The following RBFOX1 variants were observed in gnomAD, a reference collection of about 807,000 sequenced individuals.
RBFOX1 encodes the protein RNA binding protein fox-1 homolog 1.
RBFOX1 carries 8 observed loss-of-function variants against 57.7 expected under a neutral mutation model. The observed-to-expected ratio is 0.14, with a 90% CI of 0.08 to 0.25. The LOEUF is 0.25. Among genes scored for constraint, RBFOX1 ranks in the 10% least tolerant of loss-of-function variants. RBFOX1 has a pLI of 1.00. For missense variants in RBFOX1, 611 were observed against 548.5 expected, an observed-to-expected ratio of 1.11 and a Z score of -1.14; for synonymous variants, 326 against 222.4, an observed-to-expected ratio of 1.47 and a Z score of -4.15.
At chr16:7,681,836 C>T (rs1002521222) in intron 14 of RBFOX1, among the ~76,000 whole-genome samples, 1 of 152,112 alleles carries the variant, frequency 6.6e-6, no homozygotes, top group Admixed American at 6.6e-5. Flanking sequence ...CCCCAGTCCT[C>T]TTATCTGAAC....
At chr16:7,231,338 G>A (rs940891358) in intron 4 of RBFOX1, among the ~76,000 whole-genome samples, 8 of 152,108 alleles carry the variant, frequency 5.3e-5, no homozygotes, top group Admixed American at 2.0e-4. Flanking sequence ...GACTACTATC[G>A]TTCACGTGAC....
intron 14 of RBFOX1, among the ~76,000 whole-genome samples, chr16:7,699,835 A>C (rs898401293): frequency 6.6e-6 from 1 of 152,124 alleles, no homozygotes; most frequent in East Asian, 1.9e-4. Flanking sequence ...TTTTAGAACC[A>C]CATTTTTCAT....
In RBFOX1 at chr16:6,044,488, TAA is replaced by T. The variant is rs35188189; in HGVS notation, c.-127+24512_-127+24513del. On this transcript the variant is annotated intron_variant, in intron 1 of 15. Transcript: ENST00000550418. Reference sequence around the variant, plus strand: ...TTGTCTTAGAAGACCTGTTTTAGGTTAAAAAAAAAAAAAAAAATTCAAACAAT... The same window carrying T: ...TTGTCTTAGAAGACCTGTTTTAGGTTAAAAAAAAAAAAAAATTCAAACAAT... Among the ~76,000 whole-genome samples, 294 of 143,064 alleles carry T rather than the reference TAA, an allele frequency of 2.1e-3. 1 individual carries two copies. The highest frequency in any genetic ancestry group is 0.011 in the Middle Eastern group (3 of 276). The allele number at this position is 143,064 out of a possible 152,430, so 93.9% of individuals were successfully genotyped here.
At chr16:7,271,356 G>A (rs1054231914) in intron 4 of RBFOX1, among the ~76,000 whole-genome samples, 1 of 151,326 alleles carries the variant, frequency 6.6e-6, no homozygotes, top group Non-Finnish European at 1.5e-5. Context: ...TTCTTGGGGG[G>A]AGCTCGTATC....
chr16:6,269,648 G>A (rs1032827345), intron 1 of RBFOX1, among the ~76,000 whole-genome samples: 29 of 152,174 alleles, frequency 1.9e-4, no homozygotes, highest in African/African-American at 5.8e-4. Context: ...AATCTCCTTC[G>A]GAGATGAAGG....
chr16:7,261,803 G>A (rs972397483), intron 4 of RBFOX1, among the ~76,000 whole-genome samples: 4 of 152,178 alleles, frequency 2.6e-5, no homozygotes, highest in Non-Finnish European at 4.4e-5. Flanking sequence ...CCCCTGGAGA[G>A]CTTTGAAAGC....
intron 4 of RBFOX1, among the ~76,000 whole-genome samples, chr16:7,071,210 C>G (rs1598683086): frequency 1.3e-5 from 2 of 152,080 alleles, no homozygotes; most frequent in East Asian, 1.9e-4. Context: ...TTAGATTATT[C>G]TAAAAGCTTT....
chr16:7,314,344 G>C (rs2096389866), intron 4 of RBFOX1, among the ~76,000 whole-genome samples: 1 of 152,136 alleles, frequency 6.6e-6, no homozygotes, highest in East Asian at 1.9e-4. Context: ...GAATTTCAGG[G>C]AGTGGGGTCC....
chr16:6,800,720 C>T (rs1326113604), intron 3 of RBFOX1, among the ~76,000 whole-genome samples: 2 of 152,098 alleles, frequency 1.3e-5, no homozygotes, highest in African/African-American at 2.4e-5. Context: ...CCTAAAAAGA[C>T]TCCTTTTATC....
At chr16:7,191,076 CATTA>C (rs1405589607) in intron 4 of RBFOX1, among the ~76,000 whole-genome samples, 1 of 152,074 alleles carries the variant, frequency 6.6e-6, no homozygotes, top group Non-Finnish European at 1.5e-5. Context: ...AGTGTGATAT[CATTA>C]GAACATAATG....
In RBFOX1 at chr16:6,899,540, C is replaced by T. The variant is rs977781368; in HGVS notation, c.-15-152517C>T. On this transcript the variant is annotated intron_variant, in intron 3 of 15. Coordinates refer to ENST00000550418, the MANE Select transcript of RBFOX1 (RefSeq NM_018723.4). ...AGGAATGAGTTTATATTTAGAGACA[C>T]CTGGATGTAGATTACAACTCCATCT... is the stretch of plus-strand genomic sequence containing the variant. 1.3e-4 allele frequency among the ~76,000 whole-genome samples: 20 copies of T among 152,276 alleles called. 1 individual carries two copies. The South Asian group carries it at 1.5e-3, about 11-fold the overall frequency.
chr16:6,706,388 T>A (rs905224323), intron 3 of RBFOX1, among the ~76,000 whole-genome samples: 1 of 152,188 alleles, frequency 6.6e-6, no homozygotes, highest in Non-Finnish European at 1.5e-5. Flanking sequence ...TTAATAGGTG[T>A]CTCTTGGGGA....
At chr16:6,607,258 T>C (rs1285051704) in intron 2 of RBFOX1, among the ~76,000 whole-genome samples, 3 of 152,182 alleles carry the variant, frequency 2.0e-5, no homozygotes, top group Non-Finnish European at 2.9e-5. Context: ...GAACAATTCA[T>C]TGTGGTTATT....
intron 4 of RBFOX1, among the ~76,000 whole-genome samples, chr16:7,113,772 T>G (rs952725990): frequency 1.3e-5 from 2 of 152,164 alleles, no homozygotes; most frequent in African/African-American, 4.8e-5. Context: ...TTTGTATATT[T>G]GCTCCCTTAT....
At chr16:6,999,378 G>T (rs1339123839) in intron 3 of RBFOX1, among the ~76,000 whole-genome samples, 1 of 151,314 alleles carries the variant, frequency 6.6e-6, no homozygotes, top group Non-Finnish European at 1.5e-5. Context: ...TTTTACTCCA[G>T]ATTCATTGGT....
chr16:7,559,968 T>G (rs1050706524), intron 5 of RBFOX1, among the ~76,000 whole-genome samples: 2 of 152,226 alleles, frequency 1.3e-5, no homozygotes, highest in Non-Finnish European at 2.9e-5. Flanking sequence ...AGACAGTGGC[T>G]GTTAAAAGAA....
chr16:6,047,652 G>A (rs140906433), intron 1 of RBFOX1, among the ~76,000 whole-genome samples: 1 of 152,302 alleles, frequency 6.6e-6, no homozygotes, highest in African/African-American at 2.4e-5. Flanking sequence ...AAATGGAATG[G>A]TTCAGAGTGA....
intron 4 of RBFOX1, among the ~76,000 whole-genome samples, chr16:7,135,831 A>G (rs1217075679): frequency 6.6e-6 from 1 of 152,246 alleles, no homozygotes; most frequent in East Asian, 1.9e-4. Context: ...TTGACTGCAG[A>G]TTGGCCTTTT....
chr16:6,534,021 A>G (rs1016621917), intron 2 of RBFOX1, among the ~76,000 whole-genome samples: 1 of 152,196 alleles, frequency 6.6e-6, no homozygotes. Flanking sequence ...ATACATACAC[A>G]AAGAGCTGTG....
Sources: gnomAD v4.1 joint callset for allele counts (sites outside exome capture counted in the v4.1 genomes callset) on GRCh38, gnomAD v4.1.1 for gene constraint, MANE v1.5 for transcripts, NCBI Gene and HGNC (gene_info 2026-07-23, HGNC 2026-07-21) for gene names.